Variants in TOX2 observed in about 807,000 individuals in gnomAD.
The protein encoded by TOX2 is TOX high mobility group box family member 2, also known as granulosa cell HMG box 1.
A neutral mutation model predicts 47.4 loss-of-function variants in TOX2; 15 were observed. The ratio of observed to expected loss-of-function variants is 0.32; its 90% CI spans 0.21 to 0.49. The LOEUF (loss-of-function observed/expected upper bound fraction) is 0.49, where lower values mean the gene tolerates loss of function less well. Among genes scored for constraint, TOX2 ranks in the 20% least tolerant of loss-of-function variants. The probability of loss-of-function intolerance (pLI) is 0.99; values close to 1 mark genes in which losing one functional copy is unlikely to be tolerated. For missense variants in TOX2, 622 were observed against 673.1 expected, an observed-to-expected ratio of 0.92 and a Z score of 0.84; for synonymous variants, 290 against 296.6, an observed-to-expected ratio of 0.98 and a Z score of 0.23.
chr20:43,921,960 TC>T (rs762054019), intron 1 of TOX2, among the ~76,000 whole-genome samples: 9 of 152,160 alleles, frequency 5.9e-5, no homozygotes, highest in Non-Finnish European at 1.3e-4. Flanking sequence ...GCTCATTTCC[TC>T]CACCTTCTGT....
In TOX2 at chr20:44,054,312, A is replaced by C; in HGVS notation, c.665A>C (p.Lys222Thr). ...TCACTCGGGCAGATCTCGGGAGAAA[A>C]GAGACCTTCAGCCGACCCAGGAAAA... is the stretch of plus-strand genomic sequence containing the variant. ...SEVHFKISGE[K>T]RPSADPGKKA... The change falls in exon 5 of 9, where the codon AAG becomes ACG. Residue 222 changes from lysine to threonine, a missense_variant. Lys to Thr is a moderately conservative substitution (Grantham distance 78). This residue lies in a region of TOX2 where 307 missense variants were observed against 327.3 expected (regional missense o/e 0.94). Transcript: ENST00000341197. 3 of 1,610,604 alleles carry C rather than the reference A, an allele frequency of 1.9e-6. No homozygotes were observed. Among genetic ancestry groups the C allele is most frequent in the Non-Finnish European group, 2.5e-6 (3 of 1,178,216 alleles).
chr20:44,009,668 C>CATAA (rs2070747286), intron 3 of TOX2, among the ~76,000 whole-genome samples: 1 of 152,186 alleles, frequency 6.6e-6, no homozygotes, highest in African/African-American at 2.4e-5. Flanking sequence ...GAACACTAGG[C>CATAA]ATAAATGGGT....
chr20:44,033,380 G>A (rs1395827233), intron 3 of TOX2, among the ~76,000 whole-genome samples: 2 of 152,048 alleles, frequency 1.3e-5, no homozygotes, highest in African/African-American at 2.4e-5. Context: ...ATTGATTCTG[G>A]GCTGCAGTAA....
At chr20:43,953,163 C>G (rs1476333830) in intron 1 of TOX2, among the ~76,000 whole-genome samples, 3 of 152,116 alleles carry the variant, frequency 2.0e-5, no homozygotes, top group Non-Finnish European at 4.4e-5. Flanking sequence ...ACCAGCCAGC[C>G]CTGATGACAC....
intron 2 of TOX2, among the ~76,000 whole-genome samples, chr20:43,986,954 C>G (rs1367082985): frequency 6.6e-6 from 1 of 151,974 alleles, no homozygotes; most frequent in African/African-American, 2.4e-5. Context: ...GTCCCAGCTA[C>G]TCGAGAGGCT....
chr20:43,956,957 C>T (rs546899876), intron 1 of TOX2, among the ~76,000 whole-genome samples: 25 of 152,244 alleles, frequency 1.6e-4, no homozygotes, highest in Admixed American at 2.0e-4. Flanking sequence ...GCCATTTCTA[C>T]CTTGTATATA....
chr20:43,946,954 T>C (rs958474279), intron 1 of TOX2, among the ~76,000 whole-genome samples: 1 of 152,144 alleles, frequency 6.6e-6, no homozygotes, highest in Non-Finnish European at 1.5e-5. Context: ...AAAAGAAGGC[T>C]CCCGCTCAGG....
intron 8 of TOX2, among the ~76,000 whole-genome samples, chr20:44,068,346 T>G (rs1392878045): frequency 6.6e-6 from 1 of 152,148 alleles, no homozygotes; most frequent in Non-Finnish European, 1.5e-5. Context: ...ATTCCTGTGA[T>G]TAAAAACCCA....
chr20:43,995,556 GT>G (rs2070459512), intron 2 of TOX2, among the ~76,000 whole-genome samples: 1 of 152,150 alleles, frequency 6.6e-6, no homozygotes, highest in Non-Finnish European at 1.5e-5. Flanking sequence ...ACGTGTGAAG[GT>G]TTGTTATATA....
At chr20:44,062,575 G>A (rs937136772) in intron 5 of TOX2, among the ~76,000 whole-genome samples, 3 of 152,010 alleles carry the variant, frequency 2.0e-5, no homozygotes, top group African/African-American at 7.3e-5. Flanking sequence ...ACTGCCAAAA[G>A]CAATCTATAA....
chr20:43,946,345 C>T (rs983322757), intron 1 of TOX2, among the ~76,000 whole-genome samples: 3 of 152,044 alleles, frequency 2.0e-5, no homozygotes, highest in Non-Finnish European at 2.9e-5. Flanking sequence ...GTAGGCCTGG[C>T]CAGGTGTGGG....
At chr20:44,019,940 A>G (rs2070949928) in intron 3 of TOX2, among the ~76,000 whole-genome samples, 1 of 152,188 alleles carries the variant, frequency 6.6e-6, no homozygotes, top group Non-Finnish European at 1.5e-5. Context: ...TGAGCTCCTC[A>G]AGAGATTCAA....
intron 2 of TOX2, among the ~76,000 whole-genome samples, chr20:44,004,941 A>G (rs2070652627): frequency 2.0e-5 from 3 of 152,328 alleles, no homozygotes; most frequent in Admixed American, 2.0e-4. Context: ...AGTCTGAAAG[A>G]GCTAGAAGGA....
chr20:44,045,503 G>A (rs2071398510), intron 3 of TOX2, among the ~76,000 whole-genome samples: 1 of 152,172 alleles, frequency 6.6e-6, no homozygotes, highest in African/African-American at 2.4e-5. Flanking sequence ...GTCTTCTTGT[G>A]CATGTGTGAA....
Position 43,915,538 on chromosome 20 carries a change from C to T in TOX2, c.99+548C>T, listed in dbSNP as rs1158838911. Reference sequence around the variant, plus strand: ...AGCCACAACGCCTCACCCAGGCGCACGCTGTCACACACAGCCACCCCCCTG... The same window carrying T: ...AGCCACAACGCCTCACCCAGGCGCATGCTGTCACACACAGCCACCCCCCTG... On this transcript the variant is annotated intron_variant, in intron 1 of 8. Transcript: ENST00000341197. This position sits in a 1 kb window ranked among gnomAD's most constrained non-coding sequence, Gnocchi z 7.1. Among the ~76,000 whole-genome samples the T allele has an allele frequency of 6.6e-6, 1 of 152,184 alleles. No individual in the cohort carries two copies. The highest frequency in any genetic ancestry group is 2.1e-4 in the South Asian group (1 of 4,832).
chr20:43,930,196 C>T (rs2069234924), intron 1 of TOX2, among the ~76,000 whole-genome samples: 1 of 152,136 alleles, frequency 6.6e-6, no homozygotes, highest in East Asian at 1.9e-4. Context: ...ATGAATGAGG[C>T]AGGTTATATT....
intron 1 of TOX2, among the ~76,000 whole-genome samples, chr20:43,932,779 C>G (rs955676538): frequency 2.2e-5 from 3 of 139,462 alleles, no homozygotes; most frequent in Admixed American, 6.9e-5. Flanking sequence ...TTGCTGCCCC[C>G]CCCCGCCATT....
chr20:44,054,057 G>A (rs2071574383), intron 4 of TOX2, among the ~76,000 whole-genome samples: 1 of 152,122 alleles, frequency 6.6e-6, no homozygotes, highest in South Asian at 2.1e-4. Flanking sequence ...TGACTATACA[G>A]TCCGTCTTCT....
At chr20:43,993,419 A>G (rs572241801) in intron 2 of TOX2, among the ~76,000 whole-genome samples, 2 of 152,156 alleles carry the variant, frequency 1.3e-5, no homozygotes, top group South Asian at 2.1e-4. Context: ...TTTGAGATAC[A>G]TGGGGAGGTG....
Sources: allele counts gnomAD v4.1 joint callset (sites outside exome capture counted in the v4.1 genomes callset), GRCh38; gene constraint gnomAD v4.1.1; regional missense constraint gnomAD v4.1.1; non-coding constraint Gnocchi (gnomAD v3.1); transcripts MANE v1.5; gene names NCBI Gene and HGNC (gene_info 2026-07-23, HGNC 2026-07-21).